Variants in CFAP69 observed in about 807,000 individuals in gnomAD.
CFAP69 encodes the protein cilia- and flagella-associated protein 69.
In CFAP69, 92 loss-of-function variants were observed where a neutral mutation model predicts 123.0. The ratio of observed to expected loss-of-function variants is 0.75; its 90% CI spans 0.63 to 0.89. CFAP69 has a LOEUF of 0.89. CFAP69 is among the 40% of genes least tolerant of loss of function. The probability of loss-of-function intolerance (pLI) is 0.00; values close to 1 mark genes in which losing one functional copy is unlikely to be tolerated. For missense variants in CFAP69, 1,067 were observed against 1,096.9 expected (o/e 0.97, Z 0.39); for synonymous variants, 380 against 364.3 (o/e 1.04, Z -0.49).
At chr7:90,316,996 G>T in the CFAP69 span, 118 of 151,998 alleles carry the variant, frequency 7.8e-4, 1 homozygote, top group African/African-American at 2.8e-3. Flanking sequence ...CTGTAAAAGA[G>T]AACTGTTTTT....
intron 13 of CFAP69, among the ~76,000 whole-genome samples, chr7:90,283,932 A>G (rs1789866061): frequency 6.6e-6 from 1 of 152,160 alleles, no homozygotes; most frequent in Non-Finnish European, 1.5e-5. Context: ...ATCAAAGTAT[A>G]TTGAAAAGGA....
rs775664355 is a variant in CFAP69, at chr7:90,310,168, G to A, written c.2756G>A (p.Arg919Gln). The change falls in exon 23 of 23, where the codon CGA becomes CAA. Residue 919 changes from arginine to glutamine, a missense_variant. Coordinates refer to ENST00000389297, the MANE Select transcript of CFAP69 (RefSeq NM_001039706.3). ...ATTGCTCTTAAAAAACTGCCCATTC[G>A]AGGAGGAGCCTTGCAGAGGGTGAAA... Reference protein sequence around the residue: ...TDIALKKLPIRGGALQRVKAV... With the variant: ...TDIALKKLPIQGGALQRVKAV... 2.0e-5 allele frequency: 32 copies of A among 1,613,796 alleles called. No homozygotes were observed. Among genetic ancestry groups the A allele is most frequent in the Admixed American group, 5.0e-5 (3 of 59,974 alleles).
At chr7:90,273,194 C>G (rs780192482) in intron 8 of CFAP69, among the ~76,000 whole-genome samples, 26 of 152,006 alleles carry the variant, frequency 1.7e-4, no homozygotes, top group Non-Finnish European at 2.8e-4. Context: ...GGAGAGCATC[C>G]TAGACAGGGA....
At chr7:90,249,911 C>A (rs893833077) in intron 1 of CFAP69, among the ~76,000 whole-genome samples, 1 of 152,100 alleles carries the variant, frequency 6.6e-6, no homozygotes, top group African/African-American at 2.4e-5. Context: ...CCTGAACTTC[C>A]TTGCTCAAAT....
rs181748086 is a variant in CFAP69 at position 90,267,399 on chromosome 7, C to T, written c.434-887C>T. Among the ~76,000 whole-genome samples, 8 of 152,164 alleles carry T rather than the reference C, an allele frequency of 5.3e-5. No homozygotes were observed. The East Asian group carries it at 9.6e-4, about 18-fold the overall frequency. ...ACCAGTTCTAGTTTAGTTCTAAGGT[C>T]GATATTACTGACTACCGCTGTCCTT... On this transcript the variant is annotated intron_variant, in intron 5 of 22. Transcript: ENST00000389297.
chr7:90,297,846 A>T lies in CFAP69; in HGVS notation c.1857+16A>T, dbSNP rs1436664442. ...TTTGTTAGCAGTAAGTATGGCTATA[A>T]CAATCATAAGACAAAAGACAAATAT... is the stretch of plus-strand genomic sequence containing the variant. On this transcript the variant is annotated intron_variant, in intron 16 of 22. Coordinates refer to ENST00000389297, the MANE Select transcript of CFAP69 (RefSeq NM_001039706.3). 1 of 1,529,482 alleles carries T rather than the reference A, an allele frequency of 6.5e-7. No homozygotes were observed. Among genetic ancestry groups the T allele is most frequent in the Non-Finnish European group, 8.8e-7 (1 of 1,131,940 alleles). 94.7% of individuals were successfully genotyped at this position (1,529,482 alleles called of 1,614,324 possible).
chr7:90,315,011 A>G (rs1331349657), downstream of CFAP69, among the ~76,000 whole-genome samples: 2 of 152,186 alleles, frequency 1.3e-5, no homozygotes, highest in Non-Finnish European at 2.9e-5. Flanking sequence ...AAAAAAGCTC[A>G]ATATCACTGA....
chr7:90,281,000 A>C (rs1789407528), intron 12 of CFAP69, among the ~76,000 whole-genome samples: 1 of 152,238 alleles, frequency 6.6e-6, no homozygotes, highest in Non-Finnish European at 1.5e-5. Context: ...ATGTTTGTAG[A>C]AGACTTTAAG....
Position 90,310,061 on chromosome 7 carries a change from T to C in CFAP69, c.2656-7T>C. On this transcript the variant is annotated splice_region_variant and splice_polypyrimidine_tract_variant and intron_variant, in intron 22 of 22. Coordinates refer to ENST00000389297, the MANE Select transcript of CFAP69 (RefSeq NM_001039706.3). ...GACTTTTAGATATTTACCTTTTGCC[T>C]TTTTAGGTGCCCTCTGGTGGAGTAG... The C allele has an allele frequency of 6.2e-7, 1 of 1,600,814 alleles. No individual in the cohort carries two copies. The highest frequency in any genetic ancestry group is 8.5e-7 in the Non-Finnish European group (1 of 1,173,130).
intron 3 of CFAP69, 49 bp downstream of exon 3, chr7:90,258,212 G>T (rs1224027547): frequency 6.9e-6 from 9 of 1,296,308 alleles, no homozygotes; most frequent in South Asian, 1.3e-5. Context: ...TCTGAAATGA[G>T]AATTTCTTTT....
At chr7:90,307,127 A>G (rs1392986090) in intron 20 of CFAP69, 29 bp downstream of exon 20, 5 of 1,576,358 alleles carry the variant, frequency 3.2e-6, no homozygotes, top group Non-Finnish European at 4.3e-6. Context: ...GAGGAGGGAG[A>G]ATGAAGATAG....
At chr7:90,278,850 G>A (rs1789004289) in intron 11 of CFAP69, among the ~76,000 whole-genome samples, 1 of 152,062 alleles carries the variant, frequency 6.6e-6, no homozygotes, top group Non-Finnish European at 1.5e-5. Flanking sequence ...AGTTATTCCT[G>A]TTTTCTCAAC....
chr7:90,278,434 A>C (rs117121734), intron 11 of CFAP69, among the ~76,000 whole-genome samples: 4,803 of 152,222 alleles, frequency 0.032, 92 homozygotes, highest in Non-Finnish European at 0.046. Flanking sequence ...ATTTGTGACA[A>C]AAAAATACAT....
rs574211533 is a variant in CFAP69 at position 90,271,796 on chromosome 7, T to C, written c.698T>C (p.Ile233Thr). Reference sequence around the variant, plus strand: ...TTATTTTCAGAAGTTAATTGTACTATAATGATGAAAGCACAAGCAGCCAGT... The same window carrying C: ...TTATTTTCAGAAGTTAATTGTACTACAATGATGAAAGCACAAGCAGCCAGT... The part of the protein sequence containing the change: ...HLSTSEVNCT[I>T]MMKAQAASGI... The change falls in exon 8 of 23, where the codon ATA (isoleucine) becomes ACA (threonine). Residue 233 changes from isoleucine to threonine, a missense_variant. Physicochemically the swap from Ile to Thr is moderately conservative, Grantham distance 89. Coordinates refer to ENST00000389297, the MANE Select transcript of CFAP69 (RefSeq NM_001039706.3). 50 of 1,581,810 alleles carry C rather than the reference T, an allele frequency of 3.2e-5. No individual in the cohort carries two copies. Among genetic ancestry groups the C allele is most frequent in the Admixed American group, 5.4e-5 (3 of 55,388 alleles).
At chr7:90,307,713 C>CAA (rs35441907) in intron 20 of CFAP69, 55 bp from the exon 21 acceptor site, 130 of 985,590 alleles carry the variant, frequency 1.3e-4, no homozygotes, top group East Asian at 2.7e-4. Context: ...GGTTCTGTCT[C>CAA]AAAAAAAAAA....
At position 90,297,747 on chromosome 7, in the gene CFAP69, A is replaced by G; in HGVS notation, c.1776-2A>G. 6.4e-7 allele frequency: 1 copy of G among 1,553,994 alleles called. No homozygotes were observed. Among genetic ancestry groups the G allele is most frequent in the East Asian group, 2.4e-5 (1 of 42,102 alleles). On this transcript the variant is annotated splice_acceptor_variant, in intron 15 of 22. Coordinates refer to ENST00000389297, the MANE Select transcript of CFAP69 (RefSeq NM_001039706.3). LOFTEE classifies it high-confidence loss of function. The stretch of plus-strand genomic sequence containing the variant: ...AAATGAATAACTTTCTTTTAATTTA[A>G]GGTGCTGTATTTTGGGATGTTATCC...
At chr7:90,303,635 G>T in intron 17 of CFAP69, 1 of 976,804 alleles carries the variant, frequency 1.0e-6, no homozygotes, top group Non-Finnish European at 1.2e-6. Context: ...AGTAAACAAG[G>T]TTACATCACT....
At chr7:90,255,511 C>T (rs17869560) in intron 2 of CFAP69, 29 bp downstream of exon 2, 21,258 of 1,503,074 alleles carry the variant, frequency 0.014, 925 homozygotes, top group East Asian at 0.11. Flanking sequence ...AAAATTACTC[C>T]GCTGCATTAC....
chr7:90,313,353 C>G (rs1794485759), downstream of CFAP69, among the ~76,000 whole-genome samples: 1 of 152,158 alleles, frequency 6.6e-6, no homozygotes, highest in South Asian at 2.1e-4. Flanking sequence ...TTTTTTATTG[C>G]TTATATTTAG....
Sources: allele counts gnomAD v4.1 joint callset (sites outside exome capture counted in the v4.1 genomes callset), GRCh38; gene constraint gnomAD v4.1.1; transcripts MANE v1.5; gene names NCBI Gene and HGNC (gene_info 2026-07-23, HGNC 2026-07-21).